The following CYP26C1 variants were observed in gnomAD, a reference collection of about 807,000 sequenced individuals.
The protein encoded by CYP26C1 is cytochrome P450 26C1.
Under a neutral mutation model 39.1 loss-of-function variants are expected in CYP26C1, and 41 were observed. The observed-to-expected ratio is 1.05, with a 90% CI of 0.82 to 1.36. The LOEUF (loss-of-function observed/expected upper bound fraction) is 1.36. Ranked by LOEUF, CYP26C1 falls within the 40% of genes most tolerant of loss-of-function variation. CYP26C1 has a pLI of 0.00. For missense variants in CYP26C1, 833 were observed against 752.0 expected, an observed-to-expected ratio of 1.11 and a Z score of -1.26; for synonymous variants, 362 against 350.8, an observed-to-expected ratio of 1.03 and a Z score of -0.36.
intron 1 of CYP26C1, among the ~76,000 whole-genome samples, 159 bp from the exon 2 acceptor site, chr10:93,061,851 C>T (rs977170841): frequency 1.3e-5 from 2 of 152,246 alleles, no homozygotes; most frequent in Admixed American, 1.3e-4. Context: ...GGAGCATGTA[C>T]ATTCCCGTAG....
Position 93,068,498 on chromosome 10 carries a change from G to T in CYP26C1, c.1370G>T (p.Arg457Leu). The T allele has an allele frequency of 6.2e-7, 1 of 1,607,014 alleles. No individual in the cohort carries two copies. Among genetic ancestry groups the T allele is most frequent in the Non-Finnish European group, 8.5e-7 (1 of 1,177,510 alleles). Residue 457 changes from arginine (R) to leucine (L), a missense_variant, in exon 6 of 6, where the codon CGC (arginine) becomes CTC (leucine). Transcript: ENST00000651965. ...TACATCCCGTTCGGCGGCGGTGCGC[G>T]CAGCTGCCTCGGCCAGGAGCTGGCG... ...FHYIPFGGGA[R>L]SCLGQELAQA...
At chr10:93,068,212 C>T in intron 5 of CYP26C1, 108 bp from the exon 6 acceptor site, 1 of 1,348,482 alleles carries the variant, frequency 7.4e-7, no homozygotes, top group South Asian at 2.0e-5. Flanking sequence ...TCGCGGATTC[C>T]TCCTGGTTTT....
At chr10:93,063,876 CG>C (rs1846782568) in intron 3 of CYP26C1, 1 of 985,838 alleles carries the variant, frequency 1.0e-6, no homozygotes, top group Admixed American at 6.1e-5. Context: ...GCTTTTGCTG[CG>C]GCTATTCCCT....
In CYP26C1 at chr10:93,062,989, A is replaced by G. The variant is rs553017695; in HGVS notation, c.699A>G (p.Leu233=). 6.4e-7 allele frequency: 1 copy of G among 1,566,298 alleles called. No homozygotes were observed. Among genetic ancestry groups the G allele is most frequent in the Non-Finnish European group, 8.6e-7 (1 of 1,157,894 alleles). ...CTCTGGACGTTCCCTTCAGTGGCCT[A>G]CGCAAGGTACGGCCGCCCCGGCTCC... ...SLPLDVPFSG[L]RKGIRARDQL... Residue 233 remains leucine, a synonymous_variant, in exon 3 of 6, where the codon CTA becomes CTG. Coordinates refer to ENST00000651965, the MANE Select transcript of CYP26C1 (RefSeq NM_183374.3).
Position 93,066,225 on chromosome 10 carries a change from G to A in CYP26C1, c.1131G>A (p.Leu377=). The A allele has an allele frequency of 6.8e-7, 1 of 1,474,748 alleles. No individual in the cohort carries two copies. The highest frequency in any genetic ancestry group is 1.4e-5 in the South Asian group (1 of 73,424). 91.4% of individuals were successfully genotyped at this position (1,474,748 alleles called of 1,614,324 possible). The change falls in exon 5 of 6, where the codon CTG becomes CTA. Residue 377 remains leucine, a synonymous_variant. Transcript: ENST00000651965. The part of the protein sequence containing the change: ...RYVDCVVKEV[L]RLLPPVSGGY... Reference sequence around the variant, plus strand: ...TCGACTGCGTGGTCAAGGAGGTGCTGCGCCTCCTGCCGCCAGTGTCCGGGG... The same window carrying A: ...TCGACTGCGTGGTCAAGGAGGTGCTACGCCTCCTGCCGCCAGTGTCCGGGG...
At position 93,066,704 on chromosome 10, in the gene CYP26C1, A is replaced by T. The variant is rs561057833; in HGVS notation, c.1191+419A>T. ...GCTCCACCCCTCTGGCTCCCTCACAAGATGAAGGAACCCCTCATTGCGACC... is the reference window on the plus strand; with the variant it reads ...GCTCCACCCCTCTGGCTCCCTCACATGATGAAGGAACCCCTCATTGCGACC... On this transcript the variant is annotated intron_variant, in intron 5 of 5. Transcript: ENST00000651965. 1.6e-4 allele frequency among the ~76,000 whole-genome samples: 24 copies of T among 152,314 alleles called. No homozygotes were observed. In the South Asian group the frequency reaches 5.0e-3, roughly 32 times the overall value.
At chr10:93,063,041 C>A (rs752760887) in intron 3 of CYP26C1, 46 bp downstream of exon 3, 2 of 1,511,928 alleles carry the variant, frequency 1.3e-6, no homozygotes, top group Non-Finnish European at 1.8e-6. Context: ...CTCCGCGGCG[C>A]GGGCGGGCCT....
Position 93,066,153 on chromosome 10 carries a change from C to T in CYP26C1, c.1059C>T (p.Gly353=). 2 of 1,390,482 alleles carry T rather than the reference C, an allele frequency of 1.4e-6. No homozygotes were observed. Among genetic ancestry groups the T allele is most frequent in the Non-Finnish European group, 9.3e-7 (1 of 1,071,898 alleles). The allele number at this position is 1,390,482 out of a possible 1,614,324, so 86.1% of individuals were successfully genotyped here. Residue 353 remains glycine, a synonymous_variant, in exon 5 of 6, where the codon GGC becomes GGT. Transcript: ENST00000651965. ...GGSEGPPPDC[G]CEPDLSLAAL... Reference sequence around the variant, plus strand: ...GCGAGGGGCCCCCGCCCGACTGCGGCTGCGAGCCCGACCTCAGCCTCGCGG... The same window carrying T: ...GCGAGGGGCCCCCGCCCGACTGCGGTTGCGAGCCCGACCTCAGCCTCGCGG...
rs779598921 is a variant in CYP26C1 at position 93,068,659 on chromosome 10, C to G, written c.1531C>G (p.Leu511Val). 1 of 1,584,820 alleles carries G rather than the reference C, an allele frequency of 6.3e-7. No individual in the cohort carries two copies. Among genetic ancestry groups the G allele is most frequent in the Non-Finnish European group, 8.6e-7 (1 of 1,163,182 alleles). Residue 511 changes from leucine to valine, a missense_variant, in exon 6 of 6, where the codon CTC becomes GTC. Coordinates refer to ENST00000651965, the MANE Select transcript of CYP26C1 (RefSeq NM_183374.3). Reference sequence around the variant, plus strand: ...CGGGCTGCGGCTCTTTTTCCACCCCCTCACGCCTTCGGTTGCGGGGAATGG... The same window carrying G: ...CGGGCTGCGGCTCTTTTTCCACCCCGTCACGCCTTCGGTTGCGGGGAATGG... ...VDGLRLFFHP[L>V]TPSVAGNGLC...
In CYP26C1 at chr10:93,068,643, G is replaced by A; in HGVS notation, c.1515G>A (p.Arg505=). The A allele has an allele frequency of 6.3e-7, 1 of 1,595,902 alleles. No individual in the cohort carries two copies. The highest frequency in any genetic ancestry group is 2.0e-4 in the Middle Eastern group (1 of 4,922). ...TCGTGCACCCAGTGGACGGGCTGCGGCTCTTTTTCCACCCCCTCACGCCTT... is the reference window on the plus strand; with the variant it reads ...TCGTGCACCCAGTGGACGGGCTGCGACTCTTTTTCCACCCCCTCACGCCTT... ...VPIVHPVDGL[R]LFFHPLTPSV... The change falls in exon 6 of 6, where the codon CGG becomes CGA. Residue 505 remains arginine (R), a synonymous_variant. Coordinates refer to ENST00000651965, the MANE Select transcript of CYP26C1 (RefSeq NM_183374.3).
chr10:93,063,362 CTT>C, intron 3 of CYP26C1: 1 of 1,041,482 alleles, frequency 9.6e-7, no homozygotes, highest in Non-Finnish European at 1.2e-6. Context: ...TCCATCACCT[CTT>C]CGGAAGCCCA....
Position 93,066,286 on chromosome 10 carries a change from G to T in CYP26C1, c.1191+1G>T, listed in dbSNP as rs929909433. On this transcript the variant is annotated splice_donor_variant, in intron 5 of 5. Coordinates refer to ENST00000651965, the MANE Select transcript of CYP26C1 (RefSeq NM_183374.3). LOFTEE classifies it high-confidence loss of function. ...CGCCCTGCGCACCTTCGAGCTCGAC[G>T]TAAGTGCGCCGTGCCAGCCCATGGC... 30 of 1,372,886 alleles carry T rather than the reference G, an allele frequency of 2.2e-5. No individual in the cohort carries two copies. The highest frequency in any genetic ancestry group is 3.0e-5 in the African/African-American group (2 of 67,198). The allele number at this position is 1,372,886 out of a possible 1,614,324, so 85.0% of individuals were successfully genotyped here.
chr10:93,064,419 G>A lies in CYP26C1; in HGVS notation c.744G>A (p.Glu248=). 6.2e-7 allele frequency: 1 copy of A among 1,614,146 alleles called. No homozygotes were observed. Among genetic ancestry groups the A allele is most frequent in the Admixed American group, 1.7e-5 (1 of 60,034 alleles). ...RARDQLHRHL[E]GAISEKLHED... ...GGGACCAGCTGCATCGGCACCTGGAGGGGGCCATTTCTGAGAAGCTTCACG... is the reference window on the plus strand; with the variant it reads ...GGGACCAGCTGCATCGGCACCTGGAAGGGGCCATTTCTGAGAAGCTTCACG... Residue 248 remains glutamate (E), a synonymous_variant, in exon 4 of 6, where the codon GAG becomes GAA. Transcript: ENST00000651965.
chr10:93,067,950 C>T (rs1846847643), intron 5 of CYP26C1, among the ~76,000 whole-genome samples: 1 of 152,112 alleles, frequency 6.6e-6, no homozygotes. Flanking sequence ...ATTTAGGTCT[C>T]CTCATCTAAG....
In CYP26C1 at chr10:93,066,182, T is replaced by C. The variant is rs755995593; in HGVS notation, c.1088T>C (p.Leu363Pro). 3.4e-6 allele frequency: 5 copies of C among 1,462,466 alleles called. No individual in the cohort carries two copies. The highest frequency in any genetic ancestry group is 2.2e-5 in the Admixed American group (1 of 45,918). The allele number at this position is 1,462,466 out of a possible 1,614,324, so 90.6% of individuals were successfully genotyped here. Reference sequence around the variant, plus strand: ...GAGCCCGACCTCAGCCTCGCGGCGCTGGGCCGTCTGCGCTACGTCGACTGC... The same window carrying C: ...GAGCCCGACCTCAGCCTCGCGGCGCCGGGCCGTCTGCGCTACGTCGACTGC... ...GCEPDLSLAALGRLRYVDCVV... is the reference protein window; with the variant it reads ...GCEPDLSLAAPGRLRYVDCVV... Residue 363 changes from leucine (L) to proline (P), a missense_variant, in exon 5 of 6, where the codon CTG becomes CCG. Leu to Pro is a moderately conservative substitution (Grantham distance 98, BLOSUM62 -3). Transcript: ENST00000651965.
Position 93,068,306 on chromosome 10 carries a change from T to TC in CYP26C1, c.1192-13dup. 6.7e-7 allele frequency: 1 copy of TC among 1,497,286 alleles called. No individual in the cohort carries two copies. The highest frequency in any genetic ancestry group is 2.4e-5 in the East Asian group (1 of 41,994). 92.8% of individuals were successfully genotyped at this position (1,497,286 alleles called of 1,614,324 possible). A position where few individuals can be genotyped will look rare whatever the true frequency, so the allele number is the denominator to read the frequency against. On this transcript the variant is annotated splice_polypyrimidine_tract_variant and intron_variant, in intron 5 of 5. Coordinates refer to ENST00000651965, the MANE Select transcript of CYP26C1 (RefSeq NM_183374.3). The stretch of plus-strand genomic sequence containing the variant: ...GTGCCTCGTGGTCAGGCTGATCTCC[T>TC]CGCCTCTCTGCAGGGCTACCAGATC...
chr10:93,064,138 CA>C, intron 3 of CYP26C1: 3 of 1,260,074 alleles, frequency 2.4e-6, no homozygotes, highest in Non-Finnish European at 3.1e-6. Flanking sequence ...CTCAGGATGA[CA>C]GTAACTCTGC....
In CYP26C1 at chr10:93,062,172, A is replaced by T; in HGVS notation, c.367A>T (p.Ile123Phe). The T allele has an allele frequency of 6.5e-7, 1 of 1,538,382 alleles. No individual in the cohort carries two copies. The highest frequency in any genetic ancestry group is 8.7e-7 in the Non-Finnish European group (1 of 1,146,536). ...VRSQWPQSAH[I>F]LLGSHTLLGA... ...CAGCCAGTGGCCGCAGAGTGCGCAC[A>T]TCCTGCTGGGCTCGCACACACTGCT... The change falls in exon 2 of 6, where the codon ATC (isoleucine) becomes TTC (phenylalanine). Residue 123 changes from isoleucine to phenylalanine, a missense_variant. Coordinates refer to ENST00000651965, the MANE Select transcript of CYP26C1 (RefSeq NM_183374.3).
intron 5 of CYP26C1, among the ~76,000 whole-genome samples, chr10:93,066,682 C>A (rs1003304845): frequency 6.6e-6 from 1 of 152,242 alleles, no homozygotes; most frequent in African/African-American, 2.4e-5. Context: ...GTCCTGTGCT[C>A]CACCCCTCTG....
Sources: allele counts gnomAD v4.1 joint callset (sites outside exome capture counted in the v4.1 genomes callset), GRCh38; gene constraint gnomAD v4.1.1; transcripts MANE v1.5; gene names NCBI Gene and HGNC (gene_info 2026-07-23, HGNC 2026-07-21).